Variants in IPPK observed in about 807,000 individuals in gnomAD.
IPPK encodes the protein IPK1 homolog.
A neutral mutation model predicts 64.6 loss-of-function variants in IPPK; 22 were observed. The ratio of observed to expected loss-of-function variants is 0.34; its 90% confidence interval spans 0.24 to 0.49. The LOEUF is 0.49. Ranked by LOEUF, IPPK falls within the 20% of genes least tolerant of loss-of-function variation. The pLI is 0.99. For synonymous variants in IPPK, 262 were observed against 247.2 expected (o/e 1.06, Z -0.56); for missense variants, 532 against 630.7 (o/e 0.84, Z 1.68).
At chr9:92,631,613 C>G (rs981728572) in intron 11 of IPPK, among the ~76,000 whole-genome samples, 1 of 152,196 alleles carries the variant, frequency 6.6e-6, no homozygotes, top group African/African-American at 2.4e-5. Context: ...TAACTTCCTA[C>G]AAGAGAAAAA....
intron 1 of IPPK, among the ~76,000 whole-genome samples, chr9:92,665,199 A>G (rs1316046006): frequency 5.3e-5 from 8 of 152,372 alleles, no homozygotes; most frequent in African/African-American, 1.9e-4. Context: ...TTTAAACAAA[A>G]TGCTAGCAGT....
chr9:92,646,911 TA>T (rs1192237215), intron 6 of IPPK, among the ~76,000 whole-genome samples: 1 of 151,526 alleles, frequency 6.6e-6, no homozygotes, highest in African/African-American at 2.4e-5. Context: ...AAAATAAAAT[TA>T]GAAAAAGAAT....
intron 11 of IPPK, among the ~76,000 whole-genome samples, chr9:92,634,147 C>T (rs752272563): frequency 6.6e-6 from 1 of 152,202 alleles, no homozygotes; most frequent in Non-Finnish European, 1.5e-5. Context: ...TGGGGCCTGA[C>T]CCCACCAGGA....
intron 6 of IPPK, among the ~76,000 whole-genome samples, chr9:92,644,078 T>C (rs913235843): frequency 1.3e-5 from 2 of 152,088 alleles, no homozygotes; most frequent in African/African-American, 4.8e-5. Context: ...AGAGCTTAGA[T>C]AGTAATCACA....
intron 6 of IPPK, among the ~76,000 whole-genome samples, chr9:92,647,835 T>C (rs1852178203): frequency 6.6e-6 from 1 of 152,114 alleles, no homozygotes; most frequent in South Asian, 2.1e-4. Context: ...GAGGCTGCAG[T>C]GAGTATGATT....
At chr9:92,657,709 T>G (rs1164646419) in intron 2 of IPPK, among the ~76,000 whole-genome samples, 1 of 152,216 alleles carries the variant, frequency 6.6e-6, no homozygotes, top group Non-Finnish European at 1.5e-5. Flanking sequence ...GGGGCCTTCC[T>G]ATCCTCCGCC....
chr9:92,639,022 T>G (rs1223202400), intron 8 of IPPK, among the ~76,000 whole-genome samples: 1 of 152,164 alleles, frequency 6.6e-6, no homozygotes, highest in East Asian at 1.9e-4. Flanking sequence ...TAGCAACTCT[T>G]TAAACCTTAT....
At chr9:92,658,746 G>A in intron 1 of IPPK, 65 bp from the exon 2 acceptor site, 1 of 1,434,944 alleles carries the variant, frequency 7.0e-7, no homozygotes, top group Non-Finnish European at 9.8e-7. Flanking sequence ...GTGTCAGTCA[G>A]TTTGGGGGTC....
chr9:92,638,771 A>G (rs1851993079), intron 8 of IPPK, among the ~76,000 whole-genome samples: 1 of 152,254 alleles, frequency 6.6e-6, no homozygotes, highest in Admixed American at 6.5e-5. Context: ...GGTACAGCTG[A>G]GCCAGATGGT....
chr9:92,655,769 AG>A (rs545760583), intron 3 of IPPK, among the ~76,000 whole-genome samples: 39 of 152,304 alleles, frequency 2.6e-4, no homozygotes, highest in Non-Finnish European at 4.3e-4. Context: ...TCTTCCTAAC[AG>A]GGGAACTGTG....
At chr9:92,653,552 C>T (rs1193671493) in intron 3 of IPPK, among the ~76,000 whole-genome samples, 1 of 152,160 alleles carries the variant, frequency 6.6e-6, no homozygotes, top group Non-Finnish European at 1.5e-5. Flanking sequence ...TGTAAACATT[C>T]GAAAATTTGT....
chr9:92,661,362 C>T (rs867371520), intron 1 of IPPK, among the ~76,000 whole-genome samples: 6 of 152,200 alleles, frequency 3.9e-5, no homozygotes, highest in African/African-American at 9.7e-5. Flanking sequence ...AGGTTCTCAG[C>T]GTCTTTCTGG....
intron 11 of IPPK, among the ~76,000 whole-genome samples, chr9:92,624,080 TA>T (rs1460311204): frequency 6.6e-6 from 1 of 152,202 alleles, no homozygotes; most frequent in Non-Finnish European, 1.5e-5. Flanking sequence ...CTCACGCCTG[TA>T]ATCCCAACAC....
chr9:92,666,562 G>A (rs903152397), intron 1 of IPPK, among the ~76,000 whole-genome samples: 2 of 152,156 alleles, frequency 1.3e-5, no homozygotes, highest in Non-Finnish European at 2.9e-5. Context: ...ACACACACCA[G>A]GGAACATGCC....
At chr9:92,656,591 C>G in intron 2 of IPPK, 40 bp from the exon 3 acceptor site, 2 of 1,325,896 alleles carry the variant, frequency 1.5e-6, no homozygotes, top group Non-Finnish European at 2.2e-6. Flanking sequence ...GTGATGGGAC[C>G]TCCCAACAGA....
chr9:92,632,815 A>G (rs1444178371), intron 11 of IPPK, among the ~76,000 whole-genome samples: 1 of 152,182 alleles, frequency 6.6e-6, no homozygotes, highest in Non-Finnish European at 1.5e-5. Context: ...TAAAGAAAGC[A>G]CTGAGGGCTC....
chr9:92,626,325 A>G (rs1851732849), intron 11 of IPPK, among the ~76,000 whole-genome samples: 1 of 152,228 alleles, frequency 6.6e-6, no homozygotes, highest in African/African-American at 2.4e-5. Flanking sequence ...TGAACCCAGG[A>G]GGCGGAGCTT....
At chr9:92,665,238 G>A (rs1025041452) in intron 1 of IPPK, among the ~76,000 whole-genome samples, 1 of 152,160 alleles carries the variant, frequency 6.6e-6, no homozygotes, top group Admixed American at 6.5e-5. Flanking sequence ...TTTCAACTAG[G>A]TCCAGCTAAA....
At chr9:92,636,234 C>T (rs774736451) in intron 9 of IPPK, among the ~76,000 whole-genome samples, 12 of 152,160 alleles carry the variant, frequency 7.9e-5, no homozygotes, top group African/African-American at 2.4e-4. Flanking sequence ...CACTAGGACC[C>T]GGCACGAAAA....
Sources: allele counts gnomAD v4.1 joint callset (sites outside exome capture counted in the v4.1 genomes callset), GRCh38; gene constraint gnomAD v4.1.1; transcripts MANE v1.5; gene names NCBI Gene and HGNC (gene_info 2026-07-23, HGNC 2026-07-21).